Variants in ELMO1 observed in about 807,000 individuals in gnomAD.
The protein encoded by ELMO1 is engulfment and cell motility 1.
ELMO1 carries 26 observed loss-of-function variants against 98.9 expected under a neutral mutation model. The observed-to-expected ratio is 0.26, with a 90% CI of 0.19 to 0.36. The LOEUF (loss-of-function observed/expected upper bound fraction) is 0.36. ELMO1 is among the 10% of genes least tolerant of loss of function. The probability of loss-of-function intolerance (pLI) is 1.00; values close to 1 mark genes in which losing one functional copy is unlikely to be tolerated. For missense variants in ELMO1, 627 were observed against 935.2 expected (o/e 0.67, Z 4.30); for synonymous variants, 346 against 346.0 (o/e 1.00, Z 0.00).
intron 15 of ELMO1, among the ~76,000 whole-genome samples, chr7:37,015,370 G>A (rs148895767): frequency 2.6e-4 from 39 of 152,254 alleles, no homozygotes; most frequent in African/African-American, 8.2e-4. Context: ...AGGCCGAGGC[G>A]GGTGGATCAT....
chr7:36,862,741 A>G (rs539127767), intron 20 of ELMO1, among the ~76,000 whole-genome samples: 1 of 152,250 alleles, frequency 6.6e-6, no homozygotes, highest in Admixed American at 6.5e-5. Context: ...CTGTGCTTCT[A>G]TTAGGCACCA....
At chr7:36,899,540 C>T (rs1399400161) in intron 16 of ELMO1, among the ~76,000 whole-genome samples, 1 of 152,144 alleles carries the variant, frequency 6.6e-6, no homozygotes, top group African/African-American at 2.4e-5. Context: ...TTTTGGCAAA[C>T]AGACAGGTAC....
chr7:36,919,297 G>C, intron 16 of ELMO1: 4 of 499,412 alleles, frequency 8.0e-6, no homozygotes, highest in South Asian at 5.8e-5. Flanking sequence ...ATATAGCATC[G>C]TGTGAGTCTC....
chr7:37,076,157 A>T (rs972386493), intron 15 of ELMO1, among the ~76,000 whole-genome samples: 12 of 152,212 alleles, frequency 7.9e-5, no homozygotes, highest in African/African-American at 2.9e-4. Context: ...AATTCACTAA[A>T]GTCATTTCGT....
intron 16 of ELMO1, among the ~76,000 whole-genome samples, chr7:36,929,387 G>T (rs999922865): frequency 6.6e-6 from 1 of 152,168 alleles, no homozygotes; most frequent in Admixed American, 6.5e-5. Context: ...GCACACCAAA[G>T]CATTGGTAAA....
intron 4 of ELMO1, among the ~76,000 whole-genome samples, chr7:37,306,105 G>A (rs190327236): frequency 1.3e-5 from 2 of 152,270 alleles, no homozygotes; most frequent in East Asian, 1.9e-4. Flanking sequence ...TCCTGAAATG[G>A]CAGTCATTTA....
chr7:37,238,687 T>C (rs1040613952), intron 7 of ELMO1, among the ~76,000 whole-genome samples: 1 of 152,208 alleles, frequency 6.6e-6, no homozygotes, highest in African/African-American at 2.4e-5. Flanking sequence ...GGAGTTTTTG[T>C]AGATTACTTT....
At chr7:37,313,468 G>A (rs955461198) in intron 4 of ELMO1, among the ~76,000 whole-genome samples, 2 of 152,060 alleles carry the variant, frequency 1.3e-5, no homozygotes, top group African/African-American at 4.8e-5. Context: ...CAAGTGATCT[G>A]CCGCCCTTGG....
chr7:37,206,982 T>C (rs557911888), intron 13 of ELMO1, among the ~76,000 whole-genome samples: 1 of 152,336 alleles, frequency 6.6e-6, no homozygotes, highest in African/African-American at 2.4e-5. Context: ...TTTTCATGCT[T>C]GTCCGGTAGA....
At chr7:37,179,943 A>G (rs535328174) in intron 13 of ELMO1, among the ~76,000 whole-genome samples, 1 of 152,242 alleles carries the variant, frequency 6.6e-6, no homozygotes, top group African/African-American at 2.4e-5. Flanking sequence ...ACCATGCCAT[A>G]GAAGACTGAC....
intron 4 of ELMO1, among the ~76,000 whole-genome samples, chr7:37,294,375 CAGG>C (rs1037749481): frequency 2.5e-4 from 37 of 149,804 alleles, no homozygotes; most frequent in African/African-American, 8.8e-4. Flanking sequence ...AAAAAAAGGA[CAGG>C]AGAAGTCCCA....
chr7:37,109,876 T>C lies in ELMO1; in HGVS notation c.1192-13149A>G, dbSNP rs149020318. Among the ~76,000 whole-genome samples the C allele has an allele frequency of 1.7e-3, 265 of 152,324 alleles. 1 individual carries two copies. The highest frequency in any genetic ancestry group is 6.0e-3 in the African/African-American group (249 of 41,564). On this transcript the variant is annotated intron_variant, in intron 14 of 21. Transcript: ENST00000310758. ...TCAAATATATTTCTTCAGAACAAGATGCATGGGACATTTCTCTTAATTCCT... is the reference window on the plus strand; with the variant it reads ...TCAAATATATTTCTTCAGAACAAGACGCATGGGACATTTCTCTTAATTCCT...
chr7:37,152,428 T>C (rs564745361), intron 13 of ELMO1, among the ~76,000 whole-genome samples: 26 of 145,056 alleles, frequency 1.8e-4, no homozygotes, highest in African/African-American at 6.5e-4. Flanking sequence ...TTCTGGCACC[T>C]TGAGCAATGT....
chr7:37,232,148 C>A (rs545043490), intron 8 of ELMO1, among the ~76,000 whole-genome samples: 39 of 152,262 alleles, frequency 2.6e-4, no homozygotes, highest in Admixed American at 2.0e-4. Flanking sequence ...TTTAAGTCTA[C>A]CATTAGTTTA....
intron 16 of ELMO1, among the ~76,000 whole-genome samples, chr7:36,931,014 A>C (rs1785993651): frequency 6.6e-6 from 1 of 152,158 alleles, no homozygotes; most frequent in Non-Finnish European, 1.5e-5. Flanking sequence ...CACTTCATTC[A>C]TTTTTGTCAA....
In ELMO1 at chr7:37,030,908, C is replaced by T. The variant is rs1221357532; in HGVS notation, c.1301-17473G>A. ...TCCAGACAACTCCTTATTGGACACG[C>T]CCATCTTAGCCACATCTCTTAGCCA... On this transcript the variant is annotated intron_variant, in intron 15 of 21. Transcript: ENST00000310758. 3.9e-5 allele frequency among the ~76,000 whole-genome samples: 6 copies of T among 152,118 alleles called. No individual in the cohort carries two copies. The East Asian group carries it at 1.2e-3, about 29-fold the overall frequency.
At chr7:37,379,230 C>T (rs776604056) in intron 1 of ELMO1, among the ~76,000 whole-genome samples, 4 of 151,982 alleles carry the variant, frequency 2.6e-5, no homozygotes, top group Non-Finnish European at 5.9e-5. Context: ...TCAGTAGAGA[C>T]GGGGTTTCAC....
At chr7:37,387,206 C>T (rs1802843910) in intron 1 of ELMO1, among the ~76,000 whole-genome samples, 1 of 152,218 alleles carries the variant, frequency 6.6e-6, no homozygotes, top group Non-Finnish European at 1.5e-5. Context: ...CTAAACTCAA[C>T]CCAAGAGTGC....
At chr7:37,129,319 G>T (rs958797572) in intron 14 of ELMO1, among the ~76,000 whole-genome samples, 1 of 152,204 alleles carries the variant, frequency 6.6e-6, no homozygotes, top group Non-Finnish European at 1.5e-5. Context: ...ACATTAGCAA[G>T]GAGGCCACTA....
Sources: gnomAD v4.1 joint callset for allele counts (sites outside exome capture counted in the v4.1 genomes callset) on GRCh38, gnomAD v4.1.1 for gene constraint, MANE v1.5 for transcripts, NCBI Gene and HGNC (gene_info 2026-07-23, HGNC 2026-07-21) for gene names.